ARNT2: variants seen among roughly 807,000 people sequenced by gnomAD.
ARNT2 encodes the protein ARNT protein 2.
ARNT2 carries 36 observed loss-of-function variants against 91.7 expected under a neutral mutation model. The ratio of observed to expected loss-of-function variants is 0.39; its 90% CI spans 0.30 to 0.52. The LOEUF is 0.52. Ranked by LOEUF, ARNT2 falls within the 20% of genes least tolerant of loss-of-function variation. The pLI, the probability that ARNT2 is intolerant of heterozygous loss-of-function variation, is 0.72. For synonymous variants in ARNT2, 365 were observed against 347.1 expected (o/e 1.05, Z -0.57); for missense variants, 775 against 939.3 (o/e 0.83, Z 2.29).
chr15:80,551,254 C>A lies in ARNT2; in HGVS notation c.933C>A (p.Leu311=), dbSNP rs139137025. 1.2e-6 allele frequency: 2 copies of A among 1,613,776 alleles called. No individual in the cohort carries two copies. The highest frequency in any genetic ancestry group is 1.1e-5 in the South Asian group (1 of 91,074). Residue 311 remains leucine, a synonymous_variant, in exon 9 of 19, where the codon CTC becomes CTA. Coordinates refer to ENST00000303329, the MANE Select transcript of ARNT2 (RefSeq NM_014862.4). ...ADVGQGSKYC[L]VAIGRLQVTS... ...TGGGACAAGGCAGTAAATATTGCCT[C>A]GTGGCAATTGGGAGACTCCAGGTAA...
intron 14 of ARNT2, among the ~76,000 whole-genome samples, chr15:80,575,743 A>G (rs1382694245): frequency 6.6e-6 from 1 of 151,932 alleles, no homozygotes; most frequent in Non-Finnish European, 1.5e-5. Context: ...TCTCAAAGAA[A>G]CCCTAGTGGA....
intron 6 of ARNT2, among the ~76,000 whole-genome samples, chr15:80,509,933 C>A (rs777336888): frequency 6.6e-6 from 1 of 152,140 alleles, no homozygotes; most frequent in Non-Finnish European, 1.5e-5. Flanking sequence ...CTTTACATCG[C>A]TTCAGCTTTT....
At chr15:80,416,162 T>C (rs1241580240) in intron 1 of ARNT2, among the ~76,000 whole-genome samples, 1 of 152,258 alleles carries the variant, frequency 6.6e-6, no homozygotes, top group African/African-American at 2.4e-5. Context: ...TTTTGTGTTT[T>C]TGGTAATGTT....
At chr15:80,436,179 G>A (rs1896082754) in intron 1 of ARNT2, 1 of 152,496 alleles carries the variant, frequency 6.6e-6, no homozygotes, top group Non-Finnish European at 1.5e-5. Flanking sequence ...TACGAGGTCT[G>A]GACTCTGATC....
At chr15:80,521,602 A>G (rs990879062) in intron 8 of ARNT2, among the ~76,000 whole-genome samples, 1 of 152,030 alleles carries the variant, frequency 6.6e-6, no homozygotes, top group Non-Finnish European at 1.5e-5. Context: ...TAAATTCTAC[A>G]TGTCATTGCA....
At chr15:80,501,225 A>G (rs1897188830) in intron 5 of ARNT2, among the ~76,000 whole-genome samples, 1 of 152,180 alleles carries the variant, frequency 6.6e-6, no homozygotes, top group Non-Finnish European at 1.5e-5. Context: ...AAACCTGGAA[A>G]CAAAGTAAAA....
chr15:80,457,497 T>C (rs1896497750), intron 2 of ARNT2, among the ~76,000 whole-genome samples: 1 of 152,218 alleles, frequency 6.6e-6, no homozygotes, highest in African/African-American at 2.4e-5. Flanking sequence ...CTTTTTAGGC[T>C]CTTAATATAC....
chr15:80,484,027 C>T (rs963067244), intron 5 of ARNT2, among the ~76,000 whole-genome samples: 3 of 152,158 alleles, frequency 2.0e-5, no homozygotes, highest in African/African-American at 7.2e-5. Flanking sequence ...AAGTGTCAGT[C>T]ATGAAGGTAA....
At chr15:80,574,941 G>T (rs769592713) in intron 13 of ARNT2, 46 bp from the exon 14 acceptor site, 16 of 1,604,248 alleles carry the variant, frequency 1.0e-5, no homozygotes, top group Non-Finnish European at 1.3e-5. Context: ...CATGTTCTGT[G>T]CCTTACGCAT....
chr15:80,440,350 C>T (rs1411754893), intron 1 of ARNT2, among the ~76,000 whole-genome samples: 1 of 152,206 alleles, frequency 6.6e-6, no homozygotes. Context: ...ATATCCTTGA[C>T]AGCAGCCTCT....
intron 1 of ARNT2, among the ~76,000 whole-genome samples, chr15:80,418,743 C>T (rs1395138684): frequency 1.3e-5 from 2 of 152,194 alleles, no homozygotes; most frequent in African/African-American, 4.8e-5. Flanking sequence ...CTGGCTGGCT[C>T]CTTGTACCTC....
chr15:80,427,626 C>A (rs955177569), intron 1 of ARNT2, among the ~76,000 whole-genome samples: 14 of 152,092 alleles, frequency 9.2e-5, no homozygotes, highest in Non-Finnish European at 1.9e-4. Context: ...GCCAAGAAGT[C>A]GCTGAAGTTG....
At chr15:80,517,385 T>C (rs78754920) in intron 8 of ARNT2, among the ~76,000 whole-genome samples, 13,724 of 152,190 alleles carry the variant, frequency 0.09, 654 homozygotes, top group Middle Eastern at 0.15. Context: ...TGTCTCTTTA[T>C]GTTTGGTCTC....
chr15:80,451,199 T>G (rs1896384380), intron 2 of ARNT2, among the ~76,000 whole-genome samples: 1 of 152,258 alleles, frequency 6.6e-6, no homozygotes, highest in African/African-American at 2.4e-5. Context: ...GGACTTCTGT[T>G]TGCTTGTCCT....
intron 5 of ARNT2, among the ~76,000 whole-genome samples, chr15:80,493,736 A>G (rs1897086991): frequency 6.6e-6 from 1 of 152,074 alleles, no homozygotes; most frequent in Non-Finnish European, 1.5e-5. Context: ...TTGAACCATG[A>G]TGATATAGTT....
intron 1 of ARNT2, among the ~76,000 whole-genome samples, chr15:80,423,001 T>A (rs576747829): frequency 6.6e-6 from 1 of 152,342 alleles, no homozygotes; most frequent in Admixed American, 6.5e-5. Context: ...CGTATCATAC[T>A]TTATATTATG....
chr15:80,591,787 C>G lies in ARNT2; in HGVS notation c.2055+83C>G. On this transcript the variant is annotated intron_variant, in intron 18 of 18. Coordinates refer to ENST00000303329, the MANE Select transcript of ARNT2 (RefSeq NM_014862.4). This position sits in a 1 kb window ranked among gnomAD's most constrained non-coding sequence, Gnocchi z 5.1. Reference sequence around the variant, plus strand: ...TCCCCCTCGGTCTCTGCCGCACCACCGCCTGCCCGATAGCCGTCGTGAGTT... The same window carrying G: ...TCCCCCTCGGTCTCTGCCGCACCACGGCCTGCCCGATAGCCGTCGTGAGTT... The G allele has an allele frequency of 6.3e-7, 1 of 1,576,084 alleles. No homozygotes were observed. Among genetic ancestry groups the G allele is most frequent in the Non-Finnish European group, 8.6e-7 (1 of 1,157,562 alleles).
rs545250547 is a variant in ARNT2 at position 80,580,759 on chromosome 15, C to T, written c.1752+210C>T. On this transcript the variant is annotated intron_variant, in intron 16 of 18. Coordinates refer to ENST00000303329, the MANE Select transcript of ARNT2 (RefSeq NM_014862.4). The stretch of plus-strand genomic sequence containing the variant: ...GCCTGCAACTTCAGCAGCCTTTTCT[C>T]CTTACAGCCATGCCCTGAGGCAGCT... Among the ~76,000 whole-genome samples the T allele has an allele frequency of 2.0e-5, 3 of 152,320 alleles. No individual in the cohort carries two copies. The East Asian group carries it at 5.8e-4, about 29-fold the overall frequency.
intron 12 of ARNT2, among the ~76,000 whole-genome samples, chr15:80,563,653 C>T (rs1898414330): frequency 6.6e-6 from 1 of 152,162 alleles, no homozygotes; most frequent in South Asian, 2.1e-4. Flanking sequence ...GAGGCTGAGC[C>T]TCTTGGCAGC....
Sources: gnomAD v4.1 joint callset for allele counts (sites outside exome capture counted in the v4.1 genomes callset) on GRCh38, gnomAD v4.1.1 for gene constraint, Gnocchi (gnomAD v3.1) non-coding constraint, MANE v1.5 for transcripts, NCBI Gene and HGNC (gene_info 2026-07-23, HGNC 2026-07-21) for gene names.